Variants in KIAA1217 observed in about 807,000 individuals in gnomAD.
KIAA1217 encodes KIAA1217.
Under a neutral mutation model 163.9 loss-of-function variants are expected in KIAA1217, and 88 were observed. The ratio of observed to expected loss-of-function variants is 0.54; its 90% CI spans 0.45 to 0.64. The LOEUF is 0.64. Ranked by LOEUF, KIAA1217 falls within the 30% of genes least tolerant of loss-of-function variation. The pLI, the probability that KIAA1217 is intolerant of heterozygous loss-of-function variation, is 0.00. For missense variants in KIAA1217, 2,372 were observed against 2,475.0 expected (o/e 0.96, Z 0.88); for synonymous variants, 903 against 923.1 (o/e 0.98, Z 0.39).
chr10:24,096,596 C>G (rs1564696873), intron 2 of KIAA1217, among the ~76,000 whole-genome samples: 1 of 152,196 alleles, frequency 6.6e-6, no homozygotes, highest in Non-Finnish European at 1.5e-5. Context: ...ACCTCCCCAC[C>G]TTTATCCTCT....
At chr10:24,292,489 A>C (rs1175842153) in intron 2 of KIAA1217, among the ~76,000 whole-genome samples, 1 of 152,196 alleles carries the variant, frequency 6.6e-6, no homozygotes. Flanking sequence ...ATTCTGCACA[A>C]CCATGAAGAG....
chr10:24,467,701 G>T (rs1015643881), intron 5 of KIAA1217, among the ~76,000 whole-genome samples: 2 of 152,116 alleles, frequency 1.3e-5, no homozygotes, highest in Non-Finnish European at 2.9e-5. Flanking sequence ...AACTCACTAA[G>T]GGAAAAGAGA....
intron 2 of KIAA1217, among the ~76,000 whole-genome samples, chr10:24,085,209 G>A (rs2061659948): frequency 1.3e-5 from 2 of 152,202 alleles, no homozygotes; most frequent in Admixed American, 1.3e-4. Context: ...CACCGCGCCC[G>A]GCCCAGAGTT....
intron 2 of KIAA1217, among the ~76,000 whole-genome samples, chr10:24,192,305 C>T (rs1213043716): frequency 3.9e-5 from 6 of 152,146 alleles, no homozygotes; most frequent in African/African-American, 1.4e-4. Context: ...AAGGATGCTC[C>T]TTTCTTCCAG....
At chr10:24,465,797 C>T (rs923970419) in intron 5 of KIAA1217, among the ~76,000 whole-genome samples, 3 of 152,162 alleles carry the variant, frequency 2.0e-5, no homozygotes, top group Non-Finnish European at 2.9e-5. Context: ...GTGCTGACAG[C>T]GGTTGTAGCC....
chr10:24,009,624 T>C (rs1241273923), intron 2 of KIAA1217, among the ~76,000 whole-genome samples: 1 of 152,154 alleles, frequency 6.6e-6, no homozygotes, highest in Non-Finnish European at 1.5e-5. Flanking sequence ...GGGGTTGACC[T>C]GTTGGTTATC....
At chr10:24,032,919 CTG>C (rs1207412404) in intron 2 of KIAA1217, among the ~76,000 whole-genome samples, 1 of 152,166 alleles carries the variant, frequency 6.6e-6, no homozygotes, top group Non-Finnish European at 1.5e-5. Flanking sequence ...CATGGAAAAA[CTG>C]TGACTACAAA....
intron 2 of KIAA1217, among the ~76,000 whole-genome samples, chr10:24,340,417 G>A (rs561745716): frequency 2.6e-5 from 4 of 152,218 alleles, no homozygotes; most frequent in East Asian, 1.9e-4. Flanking sequence ...CTGCTGCCAC[G>A]TAAGCCATGC....
intron 12 of KIAA1217, among the ~76,000 whole-genome samples, chr10:24,524,023 G>T (rs2071712608): frequency 6.6e-6 from 1 of 152,138 alleles, no homozygotes; most frequent in South Asian, 2.1e-4. Flanking sequence ...CAAACTTTTG[G>T]CTTAGAACTA....
intron 2 of KIAA1217, among the ~76,000 whole-genome samples, chr10:24,062,436 G>A (rs1288257374): frequency 6.6e-6 from 1 of 151,392 alleles, no homozygotes; most frequent in African/African-American, 2.4e-5. Flanking sequence ...ATGGTTTCCA[G>A]CTTCATCCAT....
At chr10:23,756,128 CTTTT>C (rs374311551) in intron 1 of KIAA1217, among the ~76,000 whole-genome samples, 1 of 139,838 alleles carries the variant, frequency 7.2e-6, no homozygotes, top group Non-Finnish European at 1.6e-5. Context: ...GGCTAATTTT[CTTTT>C]TTTTTTTTTT....
At chr10:23,895,138 A>G (rs1399561683) in intron 1 of KIAA1217, among the ~76,000 whole-genome samples, 2 of 152,142 alleles carry the variant, frequency 1.3e-5, no homozygotes, top group East Asian at 3.9e-4. Context: ...AAAATTGACA[A>G]ATGGGATCTC....
intron 2 of KIAA1217, among the ~76,000 whole-genome samples, chr10:24,171,427 A>G (rs2065621642): frequency 6.6e-6 from 1 of 152,276 alleles, no homozygotes; most frequent in Non-Finnish European, 1.5e-5. Flanking sequence ...CATTGGAAGC[A>G]CGTAAAATTT....
intron 2 of KIAA1217, among the ~76,000 whole-genome samples, chr10:24,308,253 A>G (rs940733955): frequency 1.3e-5 from 2 of 152,166 alleles, no homozygotes; most frequent in Non-Finnish European, 1.5e-5. Flanking sequence ...GTGTTTCAGA[A>G]TGGAACCTGG....
chr10:24,520,525 G>C (rs1416607161), intron 11 of KIAA1217, among the ~76,000 whole-genome samples: 1 of 149,636 alleles, frequency 6.7e-6, no homozygotes, highest in East Asian at 2.0e-4. Context: ...CAGTGCACCG[G>C]GATGCATGTG....
At chr10:24,241,529 C>T (rs1206736179) in intron 2 of KIAA1217, among the ~76,000 whole-genome samples, 1 of 152,076 alleles carries the variant, frequency 6.6e-6, no homozygotes, top group East Asian at 1.9e-4. Flanking sequence ...CTTGGCCATA[C>T]AAGTAGAGTC....
At chr10:24,002,769 T>C (rs1364271302) in intron 1 of KIAA1217, among the ~76,000 whole-genome samples, 3 of 152,152 alleles carry the variant, frequency 2.0e-5, no homozygotes, top group Admixed American at 2.0e-4. Flanking sequence ...GTGAACACTG[T>C]ACCCAGTGTG....
At chr10:24,344,610 T>C (rs1381833998) in intron 2 of KIAA1217, among the ~76,000 whole-genome samples, 2 of 152,184 alleles carry the variant, frequency 1.3e-5, no homozygotes, top group Non-Finnish European at 2.9e-5. Context: ...CCTGAACTGA[T>C]TGGGTATTTT....
At chr10:24,201,545 C>G (rs2067254108) in intron 2 of KIAA1217, among the ~76,000 whole-genome samples, 1 of 152,088 alleles carries the variant, frequency 6.6e-6, no homozygotes, top group African/African-American at 2.4e-5. Context: ...GAAGCTTAGC[C>G]ATCAATACTT....
Sources: gnomAD v4.1 joint callset for allele counts (sites outside exome capture counted in the v4.1 genomes callset) on GRCh38, gnomAD v4.1.1 for gene constraint, MANE v1.5 for transcripts, NCBI Gene and HGNC (gene_info 2026-07-23, HGNC 2026-07-21) for gene names.